Variants in FSIP2 observed in about 807,000 individuals in gnomAD.
FSIP2 encodes fibrous sheath-interacting protein 2.
FSIP2 carries 367 observed loss-of-function variants against 510.5 expected under a neutral mutation model. That is an observed-to-expected ratio of 0.72 (90% CI 0.66 to 0.78). The LOEUF (loss-of-function observed/expected upper bound fraction) is 0.78. Among genes scored for constraint, FSIP2 ranks in the 30% least tolerant of loss-of-function variants. The pLI is 0.00. For missense variants in FSIP2, 7,594 were observed against 7,901.7 expected (o/e 0.96, Z 1.48); for synonymous variants, 2,601 against 2,732.2 (o/e 0.95, Z 1.50).
intron 13 of FSIP2, among the ~76,000 whole-genome samples, chr2:185,767,331 T>TA (rs1231629031): frequency 6.6e-6 from 1 of 151,020 alleles, no homozygotes; most frequent in Non-Finnish European, 1.5e-5. Context: ...AAAATAAAAA[T>TA]AAAAAAATAA....
rs754859266 is a variant in FSIP2, at chr2:185,808,838, A to AT, written c.19535dup (p.Leu6512PhefsTer3). Reference sequence around the variant, plus strand: ...TTAGAGCAAGAAAAGTTAGATCAAAATTTATCTGAAGAGGAATCTCCAATT... The same window carrying AT: ...TTAGAGCAAGAAAAGTTAGATCAAAATTTTATCTGAAGAGGAATCTCCAATT... On this transcript the variant is annotated frameshift_variant, in exon 17 of 23. Coordinates refer to ENST00000424728, the MANE Select transcript of FSIP2 (RefSeq NM_173651.4). LOFTEE classifies it high-confidence loss of function. The AT allele has an allele frequency of 6.2e-7, 1 of 1,612,594 alleles. No homozygotes were observed. The highest frequency in any genetic ancestry group is 8.5e-7 in the Non-Finnish European group (1 of 1,179,350).
Position 185,789,743 on chromosome 2 carries a change from C to A in FSIP2, c.2607C>A (p.Gly869=). ...DPICMFLQRA[G]KNKSSLESDE... ...TATGTATGTTCCTTCAAAGAGCTGG[C>A]AAAAATAAATCTAGTCTTGAATCTG... The change falls in exon 16 of 23, where the codon GGC becomes GGA. Residue 869 remains glycine (G), a synonymous_variant. Coordinates refer to ENST00000424728, the MANE Select transcript of FSIP2 (RefSeq NM_173651.4). 1 of 1,534,278 alleles carries A rather than the reference C, an allele frequency of 6.5e-7. No homozygotes were observed. Among genetic ancestry groups the A allele is most frequent in the Non-Finnish European group, 8.7e-7 (1 of 1,145,744 alleles).
chr2:185,762,713 C>G (rs757936664), intron 11 of FSIP2, among the ~76,000 whole-genome samples: 8 of 151,280 alleles, frequency 5.3e-5, no homozygotes, highest in Non-Finnish European at 8.9e-5. Context: ...TTGCTCCTAC[C>G]CTTGTTTTCT....
In FSIP2 at chr2:185,791,014, A is replaced by G. The variant is rs1275824816; in HGVS notation, c.3878A>G (p.Lys1293Arg). Reference sequence around the variant, plus strand: ...TCTTCATTACGATCTCAACTTAGTAAGTACACAGCTAAAATAGTAAACATT... The same window carrying G: ...TCTTCATTACGATCTCAACTTAGTAGGTACACAGCTAAAATAGTAAACATT... ...FKSSLRSQLSKYTAKIVNIVL... is the reference protein window; with the variant it reads ...FKSSLRSQLSRYTAKIVNIVL... The change falls in exon 16 of 23, where the codon AAG (lysine) becomes AGG (arginine). Residue 1293 changes from lysine to arginine, a missense_variant. Physicochemically the swap from Lys to Arg is conservative, Grantham distance 26. Coordinates refer to ENST00000424728, the MANE Select transcript of FSIP2 (RefSeq NM_173651.4). 21 of 1,530,248 alleles carry G rather than the reference A, an allele frequency of 1.4e-5. No homozygotes were observed. The highest frequency in any genetic ancestry group is 1.8e-5 in the Non-Finnish European group (21 of 1,143,698). The allele number at this position is 1,530,248 out of a possible 1,614,324, so 94.8% of individuals were successfully genotyped here. A position where few individuals can be genotyped will look rare whatever the true frequency, so the allele number is the denominator to read the frequency against.
intron 13 of FSIP2, among the ~76,000 whole-genome samples, chr2:185,778,390 A>G (rs1692772591): frequency 6.6e-6 from 1 of 152,064 alleles, no homozygotes; most frequent in African/African-American, 2.4e-5. Flanking sequence ...TGTGAAACTT[A>G]ATTGGTGATA....
At chr2:185,765,550 T>C in intron 13 of FSIP2, 1 of 152,106 alleles carries the variant, frequency 6.6e-6, no homozygotes, top group Non-Finnish European at 1.5e-5. Context: ...ACTGTAGCCT[T>C]GTAGTATAGT....
intron 21 of FSIP2, among the ~76,000 whole-genome samples, chr2:185,831,318 A>C (rs1694104738): frequency 1.3e-5 from 2 of 151,892 alleles, no homozygotes; most frequent in South Asian, 4.1e-4. Flanking sequence ...TCTACAGAGT[A>C]AAGCTAGTAC....
intron 13 of FSIP2, among the ~76,000 whole-genome samples, chr2:185,769,824 G>A (rs191937651): frequency 2.4e-4 from 36 of 152,172 alleles, no homozygotes; most frequent in East Asian, 1.9e-3. Flanking sequence ...TTGATCTTCC[G>A]CATATGGCTA....
intron 19 of FSIP2, among the ~76,000 whole-genome samples, chr2:185,817,063 A>T (rs1693841848): frequency 6.6e-6 from 1 of 151,898 alleles, no homozygotes; most frequent in Non-Finnish European, 1.5e-5. Context: ...ACACATTCAA[A>T]ATAGTTAAAA....
At chr2:185,823,359 C>T (rs1418522197) in intron 19 of FSIP2, among the ~76,000 whole-genome samples, 1 of 151,516 alleles carries the variant, frequency 6.6e-6, no homozygotes, top group Non-Finnish European at 1.5e-5. Context: ...TCTTATGACT[C>T]AACAATGATA....
chr2:185,790,278 A>G lies in FSIP2; in HGVS notation c.3142A>G (p.Asn1048Asp). The G allele has an allele frequency of 4.6e-6, 7 of 1,533,606 alleles. No homozygotes were observed. The highest frequency in any genetic ancestry group is 6.1e-6 in the Non-Finnish European group (7 of 1,145,362). The allele number at this position is 1,533,606 out of a possible 1,614,324, so 95.0% of individuals were successfully genotyped here. A position where few individuals can be genotyped will look rare whatever the true frequency, so the allele number is the denominator to read the frequency against. ...AAACACTTGTTTTGAATGCAAAAGA[A>G]ATATCAAACCACCTACAAAGCCTGG... ...KGNTCFECKR[N>D]IKPPTKPGSR... is the part of the protein sequence containing the mutation. Residue 1048 changes from asparagine to aspartate, a missense_variant, in exon 16 of 23, where the codon AAT becomes GAT. Transcript: ENST00000424728.
At chr2:185,764,356 A>G (rs1692416842) in intron 12 of FSIP2, 146 bp from the exon 13 acceptor site, 1 of 528,056 alleles carries the variant, frequency 1.9e-6, no homozygotes, top group Non-Finnish European at 3.3e-6. Flanking sequence ...ACATAATAAA[A>G]ACGTGCATTT....
At chr2:185,745,740 G>A (rs976553874) in intron 5 of FSIP2, among the ~76,000 whole-genome samples, 172 bp downstream of exon 5, 3 of 152,140 alleles carry the variant, frequency 2.0e-5, no homozygotes, top group Non-Finnish European at 4.4e-5. Context: ...TACCAGAGGG[G>A]TTAGGGTTGC....
Position 185,747,427 on chromosome 2 carries a change from G to A in FSIP2, c.870+4G>A. 1.4e-6 allele frequency: 2 copies of A among 1,466,894 alleles called. No individual in the cohort carries two copies. The highest frequency in any genetic ancestry group is 2.0e-5 in the Admixed American group (1 of 50,804). The allele number at this position is 1,466,894 out of a possible 1,614,324, so 90.9% of individuals were successfully genotyped here. ...CAGAGAAGAGAGTGACAGGAAGGTAGGGTGAGCTTTAACCTCTAACTTGAG... is the reference window on the plus strand; with the variant it reads ...CAGAGAAGAGAGTGACAGGAAGGTAAGGTGAGCTTTAACCTCTAACTTGAG... On this transcript the variant is annotated splice_donor_region_variant and intron_variant, in intron 7 of 22. Coordinates refer to ENST00000424728, the MANE Select transcript of FSIP2 (RefSeq NM_173651.4).
In FSIP2 at chr2:185,793,666, C is replaced by A. The variant is rs1183887294; in HGVS notation, c.6530C>A (p.Ala2177Glu). 3.9e-6 allele frequency: 6 copies of A among 1,534,518 alleles called. No homozygotes were observed. The highest frequency in any genetic ancestry group is 5.2e-6 in the Non-Finnish European group (6 of 1,145,792). The change falls in exon 16 of 23, where the codon GCA (alanine) becomes GAA (glutamate). Residue 2177 changes from alanine to glutamate, a missense_variant. By Grantham distance (107) the Ala-to-Glu change is moderately radical. Coordinates refer to ENST00000424728, the MANE Select transcript of FSIP2 (RefSeq NM_173651.4). ...TCTGCTGCCACGCTTGTCATAAATG[C>A]AAAGAATCCTACTTCTGCAAGATTG... ...LSSAATLVIN[A>E]KNPTSARLPL...
At position 185,761,743 on chromosome 2, in the gene FSIP2, T is replaced by A. The variant is rs185398556; in HGVS notation, c.1195-229T>A. ...GTAGGAAGACTGGAGAAGAAGTAAGTTTATACATTGCTACATATTGAACTC... is the reference window on the plus strand; with the variant it reads ...GTAGGAAGACTGGAGAAGAAGTAAGATTATACATTGCTACATATTGAACTC... On this transcript the variant is annotated intron_variant, in intron 10 of 22. Coordinates refer to ENST00000424728, the MANE Select transcript of FSIP2 (RefSeq NM_173651.4). Among the ~76,000 whole-genome samples, 589 of 151,316 alleles carry A rather than the reference T, an allele frequency of 3.9e-3. 4 individuals are homozygous for A. Among genetic ancestry groups the A allele is most frequent in the South Asian group, 8.5e-3 (41 of 4,830 alleles).
In FSIP2 at chr2:185,821,986, G is replaced by T. The variant is rs144484332; in HGVS notation, c.20427-2448G>T. On this transcript the variant is annotated intron_variant, in intron 19 of 22. Coordinates refer to ENST00000424728, the MANE Select transcript of FSIP2 (RefSeq NM_173651.4). ...ATTAACAGAATGATCTGTCTCAAAT[G>T]ATGCAGGAAAACCATTTGACGAAAG... is the stretch of plus-strand genomic sequence containing the variant. 6.9e-3 allele frequency among the ~76,000 whole-genome samples: 1,045 copies of T among 151,212 alleles called. 18 individuals are homozygous for T. The highest frequency in any genetic ancestry group is 0.024 in the African/African-American group (1,012 of 41,308).
Position 185,805,314 on chromosome 2 carries a change from A to G in FSIP2, c.16008A>G (p.Lys5336=). 6.3e-7 allele frequency: 1 copy of G among 1,597,666 alleles called. No individual in the cohort carries two copies. The highest frequency in any genetic ancestry group is 1.4e-5 in the African/African-American group (1 of 73,860). The change falls in exon 17 of 23, where the codon AAA becomes AAG. Residue 5336 remains lysine (K), a synonymous_variant. Transcript: ENST00000424728. The part of the protein sequence containing the change: ...SDIKVLPNAE[K]MFSFPPIDKE... ...TTAAAGTTTTACCAAATGCTGAAAA[A>G]ATGTTTTCTTTTCCACCAATTGATA... is the stretch of plus-strand genomic sequence containing the variant.
chr2:185,762,967 A>G (rs1270613810), intron 11 of FSIP2, among the ~76,000 whole-genome samples: 1 of 151,484 alleles, frequency 6.6e-6, no homozygotes, highest in Non-Finnish European at 1.5e-5. Flanking sequence ...TTTGAAGGCA[A>G]TGGGAACCAC....
Sources: gnomAD v4.1 joint callset for allele counts (sites outside exome capture counted in the v4.1 genomes callset) on GRCh38, gnomAD v4.1.1 for gene constraint, MANE v1.5 for transcripts, NCBI Gene and HGNC (gene_info 2026-07-23, HGNC 2026-07-21) for gene names.